LRRC8B: variants seen among roughly 807,000 people sequenced by gnomAD.
LRRC8B encodes the protein leucine rich repeat containing 8 VRAC subunit B.
In LRRC8B, 23 loss-of-function variants were observed where a neutral mutation model predicts 58.8. The ratio of observed to expected loss-of-function variants is 0.39; its 90% CI spans 0.28 to 0.55. LRRC8B has a LOEUF of 0.55. Ranked by LOEUF, LRRC8B falls within the 20% of genes least tolerant of loss-of-function variation. LRRC8B has a pLI of 0.62. For synonymous variants in LRRC8B, 359 were observed against 374.1 expected (o/e 0.96, Z 0.47); for missense variants, 694 against 936.0 (o/e 0.74, Z 3.37).
At chr1:89,581,426 A>G (rs1161500231) in intron 4 of LRRC8B, among the ~76,000 whole-genome samples, 3 of 152,198 alleles carry the variant, frequency 2.0e-5, no homozygotes, top group African/African-American at 4.8e-5. Flanking sequence ...CTGGACTACC[A>G]GCAAGGGGGC....
intron 1 of LRRC8B, among the ~76,000 whole-genome samples, chr1:89,533,917 G>C (rs145309847): frequency 1.3e-5 from 2 of 152,338 alleles, no homozygotes; most frequent in African/African-American, 4.8e-5. Context: ...TATACATGCT[G>C]TTGATAGGTA....
intron 5 of LRRC8B, among the ~76,000 whole-genome samples, chr1:89,586,954 G>T (rs1232941024): frequency 1.3e-5 from 2 of 152,178 alleles, no homozygotes; most frequent in Non-Finnish European, 2.9e-5. Context: ...GGGAACTATA[G>T]GTGGCACGGG....
intron 1 of LRRC8B, among the ~76,000 whole-genome samples, chr1:89,535,190 C>A (rs1330734872): frequency 6.6e-6 from 1 of 152,044 alleles, no homozygotes; most frequent in Non-Finnish European, 1.5e-5. Context: ...TAGATTCCAC[C>A]ACATTGTCAA....
At chr1:89,581,273 C>CAAAAAAAAAAAAAAAAAAAAA (rs5776023) in intron 4 of LRRC8B, among the ~76,000 whole-genome samples, 1 of 72,558 alleles carries the variant, frequency 1.4e-5, no homozygotes, top group African/African-American at 5.8e-5. Context: ...GACTCCGTCT[C>CAAAAAAAAAAAAAAAAAAAAA]AAAAAAAAAA....
In LRRC8B at chr1:89,583,188, C is replaced by A; in HGVS notation, c.538C>A (p.Pro180Thr). ...SETVAEQSVRPLKLSKSKILL... is the reference protein window; with the variant it reads ...SETVAEQSVRTLKLSKSKILL... ...AACAGTGGCTGAGCAGTCAGTGAGGCCTCTGAAACTCTCCAAGTCCAAGAT... is the reference window on the plus strand; with the variant it reads ...AACAGTGGCTGAGCAGTCAGTGAGGACTCTGAAACTCTCCAAGTCCAAGAT... Residue 180 changes from proline to threonine, a missense_variant, in exon 5 of 6, where the codon CCT becomes ACT. Transcript: ENST00000330947. This position sits in a 1 kb window ranked among gnomAD's most constrained non-coding sequence, Gnocchi z 5.2. The A allele has an allele frequency of 6.2e-7, 1 of 1,614,174 alleles. No homozygotes were observed. The highest frequency in any genetic ancestry group is 8.5e-7 in the Non-Finnish European group (1 of 1,180,040).
At chr1:89,585,617 G>A (rs1654563797) in intron 5 of LRRC8B, among the ~76,000 whole-genome samples, 1 of 152,010 alleles carries the variant, frequency 6.6e-6, no homozygotes, top group Non-Finnish European at 1.5e-5. Flanking sequence ...CTTGAAAATG[G>A]GTACAGCTAT....
intron 1 of LRRC8B, among the ~76,000 whole-genome samples, chr1:89,562,177 A>ACACACACACACACACACACC (rs1652718229): frequency 1.3e-5 from 2 of 151,638 alleles, no homozygotes; most frequent in Non-Finnish European, 1.5e-5. Context: ...ACACACACAC[A>ACACACACACACACACACACC]CACACCCTCT....
At position 89,525,328 on chromosome 1, in the gene LRRC8B, T is replaced by TC. The variant is rs1334421376; in HGVS notation, c.-241+311dup. Among the ~76,000 whole-genome samples the TC allele has an allele frequency of 5.9e-5, 9 of 152,138 alleles. No homozygotes were observed. The East Asian group carries it at 1.7e-3, about 30-fold the overall frequency. On this transcript the variant is annotated intron_variant, in intron 1 of 5. Transcript: ENST00000330947. ...TCGCGCCGAGACGGTCACCTCTCTT[T>TC]CCCCCGGGAGTCTCGGCGTTGCACC... is the stretch of plus-strand genomic sequence containing the variant.
At chr1:89,537,217 A>G (rs1366249459) in intron 1 of LRRC8B, among the ~76,000 whole-genome samples, 1 of 152,190 alleles carries the variant, frequency 6.6e-6, no homozygotes, top group Non-Finnish European at 1.5e-5. Flanking sequence ...TCATGCTATA[A>G]ATAGCCACTG....
intron 1 of LRRC8B, among the ~76,000 whole-genome samples, chr1:89,563,830 A>T (rs916548983): frequency 2.0e-5 from 3 of 152,180 alleles, no homozygotes; most frequent in African/African-American, 7.2e-5. Context: ...TACAGATGAG[A>T]AAAGGGATAC....
intron 1 of LRRC8B, among the ~76,000 whole-genome samples, chr1:89,551,967 A>AT (rs1412811915): frequency 1.3e-5 from 2 of 152,114 alleles, no homozygotes; most frequent in Non-Finnish European, 2.9e-5. Flanking sequence ...GTGCTAATAG[A>AT]TTTGTCTGTC....
intron 1 of LRRC8B, among the ~76,000 whole-genome samples, chr1:89,551,352 T>C (rs899110899): frequency 5.9e-5 from 9 of 152,152 alleles, no homozygotes; most frequent in African/African-American, 2.2e-4. Flanking sequence ...TTTTTTTCTC[T>C]CTGAGCTTGT....
chr1:89,547,922 A>G (rs1036671135), intron 1 of LRRC8B, among the ~76,000 whole-genome samples: 3 of 152,230 alleles, frequency 2.0e-5, no homozygotes, highest in Non-Finnish European at 2.9e-5. Context: ...ACTTGCAGCT[A>G]CATGACAGCT....
At chr1:89,533,178 T>G (rs567630233) in intron 1 of LRRC8B, among the ~76,000 whole-genome samples, 2 of 152,350 alleles carry the variant, frequency 1.3e-5, no homozygotes, top group East Asian at 3.9e-4. Flanking sequence ...GAAAGTAATC[T>G]TTCTAAAAGA....
intron 4 of LRRC8B, among the ~76,000 whole-genome samples, chr1:89,582,228 A>G (rs1192642642): frequency 7.6e-6 from 1 of 131,240 alleles, no homozygotes; most frequent in East Asian, 2.0e-4. Context: ...AAAAGGAAGA[A>G]AAAAAGAAAG....
intron 1 of LRRC8B, among the ~76,000 whole-genome samples, chr1:89,547,985 A>G (rs1280955211): frequency 6.6e-6 from 1 of 152,072 alleles, no homozygotes; most frequent in East Asian, 1.9e-4. Context: ...ATTGCCCAAA[A>G]AAGGAGTGCT....
Position 89,585,816 on chromosome 1 carries a change from AAAAG to A in LRRC8B, c.2139+1047_2139+1050del, listed in dbSNP as rs549486651. Among the ~76,000 whole-genome samples the A allele has an allele frequency of 3.1e-3, 475 of 152,240 alleles. 1 individual carries two copies. Among genetic ancestry groups the A allele is most frequent in the African/African-American group, 9.8e-3 (408 of 41,530 alleles). ...CAGAGCGAGACTCTGTCTCAAAAAA[AAAAG>A]AAAGAAAGAAAGAAAGAAAATGTAT... On this transcript the variant is annotated intron_variant, in intron 5 of 5. Transcript: ENST00000330947.
intron 1 of LRRC8B, among the ~76,000 whole-genome samples, chr1:89,560,564 G>A (rs1257605275): frequency 1.4e-5 from 2 of 147,242 alleles, no homozygotes; most frequent in Non-Finnish European, 3.0e-5. Flanking sequence ...AGTCCCCAGA[G>A]TGTGATATTC....
At chr1:89,550,524 A>G (rs1160876531) in intron 1 of LRRC8B, among the ~76,000 whole-genome samples, 2 of 152,176 alleles carry the variant, frequency 1.3e-5, no homozygotes, top group African/African-American at 4.8e-5. Flanking sequence ...CGAGAACAGT[A>G]CTCAGTCAAA....
Sources: allele counts gnomAD v4.1 joint callset (sites outside exome capture counted in the v4.1 genomes callset), GRCh38; gene constraint gnomAD v4.1.1; non-coding constraint Gnocchi (gnomAD v3.1); transcripts MANE v1.5; gene names NCBI Gene and HGNC (gene_info 2026-07-23, HGNC 2026-07-21).